ROBO2: variants seen among roughly 807,000 people sequenced by gnomAD.
ROBO2 encodes the protein roundabout guidance receptor 2, also known as roundabout homolog 2.
In ROBO2, 53 loss-of-function variants were observed where a neutral mutation model predicts 160.8. The observed-to-expected ratio is 0.33, with a 90% CI of 0.26 to 0.41. The LOEUF (loss-of-function observed/expected upper bound fraction) is 0.41. Among genes scored for constraint, ROBO2 ranks in the 10% least tolerant of loss-of-function variants. The probability of loss-of-function intolerance (pLI) is 1.00; values close to 1 mark genes in which losing one functional copy is unlikely to be tolerated. For synonymous variants in ROBO2, 664 were observed against 611.7 expected, an observed-to-expected ratio of 1.09 and a Z score of -1.26; for missense variants, 1,577 against 1,722.4, an observed-to-expected ratio of 0.92 and a Z score of 1.49.
intron 5 of ROBO2, among the ~76,000 whole-genome samples, chr3:77,502,421 T>C (rs1299917768): frequency 6.6e-6 from 1 of 152,224 alleles, no homozygotes; most frequent in Non-Finnish European, 1.5e-5. Context: ...TCCTTTAAAA[T>C]CATTATTTTA....
chr3:77,574,506 G>A (rs565768356), exon 14 of ROBO2: 3 of 1,612,964 alleles, frequency 1.9e-6, no homozygotes, highest in East Asian at 2.2e-5. Flanking sequence ...CAGGTTGATC[G>A]CCAACCCCAG....
chr3:76,669,505 A>G (rs1265519020), intron 2 of ROBO2, among the ~76,000 whole-genome samples: 2 of 152,178 alleles, frequency 1.3e-5, no homozygotes, highest in East Asian at 1.9e-4. Flanking sequence ...TAAAGGTTCT[A>G]TCAGTCATGA....
chr3:77,606,387 T>C (rs2094526676), intron 20 of ROBO2, among the ~76,000 whole-genome samples: 1 of 152,168 alleles, frequency 6.6e-6, no homozygotes, highest in African/African-American at 2.4e-5. Flanking sequence ...ACTTATCCAG[T>C]AAGTGGGAAA....
chr3:76,185,215 T>TATATAGATATATATATACAC, intron 2 of ROBO2, among the ~76,000 whole-genome samples: 3 of 90,312 alleles, frequency 3.3e-5, no homozygotes, highest in Non-Finnish European at 6.9e-5. Context: ...TATATATATA[T>TATATAGATATATATATACAC]ACACACACAA....
At chr3:76,697,906 AAAAATTTGG>A (rs1240609033) in intron 2 of ROBO2, among the ~76,000 whole-genome samples, 1 of 152,162 alleles carries the variant, frequency 6.6e-6, no homozygotes, top group African/African-American at 2.4e-5. Context: ...TAGTATCTTA[AAAAATTTGG>A]AAGAATTGGA....
At chr3:77,095,526 A>G (rs947832946) in intron 1 of ROBO2, among the ~76,000 whole-genome samples, 5 of 152,142 alleles carry the variant, frequency 3.3e-5, no homozygotes, top group African/African-American at 1.2e-4. Flanking sequence ...TAATAGTAGA[A>G]CAGTTTTGCA....
At chr3:76,845,914 C>T (rs1453041090) in intron 2 of ROBO2, among the ~76,000 whole-genome samples, 1 of 152,060 alleles carries the variant, frequency 6.6e-6, no homozygotes, top group Non-Finnish European at 1.5e-5. Context: ...GTTCCCAATT[C>T]AATCATCAAA....
chr3:77,365,156 AAAAAAAAAAAAG>A (rs1419533233), intron 2 of ROBO2, among the ~76,000 whole-genome samples: 2 of 151,634 alleles, frequency 1.3e-5, no homozygotes, highest in Admixed American at 1.3e-4. Context: ...TCAGGAAAAA[AAAAAAAAAAAAG>A]AAAGAAAAAG....
chr3:77,165,919 C>G (rs901687009), intron 2 of ROBO2, among the ~76,000 whole-genome samples: 3 of 152,114 alleles, frequency 2.0e-5, no homozygotes, highest in African/African-American at 7.2e-5. Context: ...TAAAGAGTAG[C>G]AAGCATTACC....
chr3:77,579,941 C>A lies in ROBO2; in HGVS notation c.2329-6C>A, dbSNP rs2093871368. ...TCCATGTGTTATTCACTTTCCATTT[C>A]TGTAGATCTGGTGTCTAGGAAATGA... On this transcript the variant is annotated splice_polypyrimidine_tract_variant and splice_region_variant and intron_variant, in intron 15 of 25. Transcript: ENST00000461745. The A allele has an allele frequency of 4.3e-6, 7 of 1,612,526 alleles. No homozygotes were observed. The highest frequency in any genetic ancestry group is 5.9e-6 in the Non-Finnish European group (7 of 1,178,702).
chr3:76,018,761 T>C (rs948065811), intron 2 of ROBO2, among the ~76,000 whole-genome samples: 3 of 151,302 alleles, frequency 2.0e-5, no homozygotes, highest in Non-Finnish European at 4.4e-5. Context: ...CTGAGAATAC[T>C]GTGTATTCCT....
chr3:76,706,384 C>T (rs911480850), intron 2 of ROBO2, among the ~76,000 whole-genome samples: 2 of 152,036 alleles, frequency 1.3e-5, no homozygotes, highest in African/African-American at 2.4e-5. Context: ...CTTCCCATTT[C>T]TGCCACCCAA....
At chr3:76,151,305 T>C (rs2072190043) in intron 2 of ROBO2, among the ~76,000 whole-genome samples, 1 of 152,138 alleles carries the variant, frequency 6.6e-6, no homozygotes, top group Admixed American at 6.5e-5. Context: ...TCTCTCTTCC[T>C]GTCCCTTGTT....
chr3:77,249,987 T>C (rs2090162305), intron 2 of ROBO2, among the ~76,000 whole-genome samples: 1 of 151,942 alleles, frequency 6.6e-6, no homozygotes, highest in South Asian at 2.1e-4. Context: ...TTTTTTTCTA[T>C]AAAAACACAG....
At position 76,272,980 on chromosome 3, in the gene ROBO2, T is replaced by A. The variant is rs183612178; in HGVS notation, c.109+335378T>A. 3.0e-3 allele frequency among the ~76,000 whole-genome samples: 197 copies of A among 66,162 alleles called. 6 individuals carry two copies. Among genetic ancestry groups the A allele is most frequent in the Middle Eastern group, 0.019 (2 of 108 alleles). 43.4% of individuals were successfully genotyped at this position (66,162 alleles called of 152,430 possible). A position where few individuals can be genotyped will look rare whatever the true frequency, so the allele number is the denominator to read the frequency against. On this transcript the variant is annotated intron_variant, in intron 2 of 26. Coordinates refer to the ROBO2 transcript ENST00000487694. ...TATATATTTATATATAAAATATATA[T>A]AATATATAATATATAATTTATATAT...
chr3:76,145,963 A>G (rs2106799092), intron 2 of ROBO2, among the ~76,000 whole-genome samples: 1 of 152,150 alleles, frequency 6.6e-6, no homozygotes, highest in East Asian at 1.9e-4. Flanking sequence ...TGAGGGGTGA[A>G]CTAACTGAAA....
chr3:77,073,299 T>C (rs2067606148), intron 1 of ROBO2, among the ~76,000 whole-genome samples: 1 of 152,192 alleles, frequency 6.6e-6, no homozygotes. Context: ...TACTTTGTCA[T>C]AAGAAATGAG....
intron 2 of ROBO2, among the ~76,000 whole-genome samples, chr3:77,099,073 T>TTC (rs1393146494): frequency 2.4e-5 from 3 of 125,608 alleles, no homozygotes; most frequent in Admixed American, 7.8e-5. Context: ...CTTTCTTTCT[T>TTC]TTTTTTTTTT....
chr3:76,336,801 G>A (rs1195203632), intron 2 of ROBO2, among the ~76,000 whole-genome samples: 1 of 151,818 alleles, frequency 6.6e-6, no homozygotes, highest in African/African-American at 2.4e-5. Flanking sequence ...AAATACATTC[G>A]AAAGATTTTT....
Sources: allele counts gnomAD v4.1 joint callset (sites outside exome capture counted in the v4.1 genomes callset), GRCh38; gene constraint gnomAD v4.1.1; transcripts MANE v1.5; gene names NCBI Gene and HGNC (gene_info 2026-07-23, HGNC 2026-07-21).